The following UNC5C variants were observed in gnomAD, a reference collection of about 807,000 sequenced individuals.
UNC5C encodes netrin receptor UNC5C.
Under a neutral mutation model 99.8 loss-of-function variants are expected in UNC5C, and 47 were observed. That is an observed-to-expected ratio of 0.47 (90% CI 0.37 to 0.60). UNC5C has a LOEUF of 0.60. Among genes scored for constraint, UNC5C ranks in the 20% least tolerant of loss-of-function variants. UNC5C has a pLI of 0.00. For synonymous variants in UNC5C, 487 were observed against 452.2 expected, an observed-to-expected ratio of 1.08 and a Z score of -0.98; for missense variants, 1,062 against 1,165.9, an observed-to-expected ratio of 0.91 and a Z score of 1.30.
At chr4:95,463,602 A>T (rs1027312052) in intron 1 of UNC5C, among the ~76,000 whole-genome samples, 1 of 152,188 alleles carries the variant, frequency 6.6e-6, no homozygotes, top group Non-Finnish European at 1.5e-5. Flanking sequence ...ATGACTTGTG[A>T]GACAAAAGAG....
intron 1 of UNC5C, among the ~76,000 whole-genome samples, chr4:95,369,807 T>C (rs970404253): frequency 3.3e-5 from 5 of 151,756 alleles, no homozygotes; most frequent in African/African-American, 1.2e-4. Context: ...AGGTAAAATA[T>C]GAATAAATAG....
chr4:95,226,854 G>A (rs1271303097), intron 7 of UNC5C, among the ~76,000 whole-genome samples: 1 of 152,104 alleles, frequency 6.6e-6, no homozygotes, highest in Non-Finnish European at 1.5e-5. Flanking sequence ...GGATTAGGTG[G>A]TTGTTTTTTG....
At chr4:95,346,952 AAAC>A (rs1312224551) in intron 1 of UNC5C, among the ~76,000 whole-genome samples, 8 of 152,196 alleles carry the variant, frequency 5.3e-5, no homozygotes, top group African/African-American at 1.7e-4. Flanking sequence ...AAGGGCATCT[AAAC>A]TGGAAAGAAA....
At chr4:95,460,234 A>G (rs265035) in intron 1 of UNC5C, among the ~76,000 whole-genome samples, 28,405 of 140,352 alleles carry the variant, frequency 0.2, 3,111 homozygotes, top group East Asian at 0.4. Context: ...ATTTCTTTAT[A>G]ACTTGAATTT....
At chr4:95,200,522 T>C (rs1469204382) in intron 12 of UNC5C, among the ~76,000 whole-genome samples, 2 of 152,256 alleles carry the variant, frequency 1.3e-5, no homozygotes, top group African/African-American at 4.8e-5. Flanking sequence ...CCTTGGATGA[T>C]ACATCTATAA....
At chr4:95,439,273 G>C (rs1046918974) in intron 1 of UNC5C, among the ~76,000 whole-genome samples, 2 of 152,108 alleles carry the variant, frequency 1.3e-5, no homozygotes, top group Non-Finnish European at 2.9e-5. Context: ...AGATTTATAA[G>C]CACGGCTGGC....
chr4:95,475,783 T>A (rs961968638), intron 1 of UNC5C, among the ~76,000 whole-genome samples: 4 of 152,068 alleles, frequency 2.6e-5, no homozygotes, highest in Admixed American at 6.6e-5. Flanking sequence ...CAAAATAATT[T>A]AAAAATAAAT....
intron 7 of UNC5C, among the ~76,000 whole-genome samples, chr4:95,236,349 C>T (rs1233743234): frequency 6.0e-5 from 9 of 150,996 alleles, no homozygotes; most frequent in East Asian, 2.0e-4. Flanking sequence ...AACCAAACAT[C>T]GCATGTTCTC....
intron 7 of UNC5C, among the ~76,000 whole-genome samples, chr4:95,230,006 T>C (rs1341166412): frequency 6.6e-6 from 1 of 151,944 alleles, no homozygotes; most frequent in East Asian, 1.9e-4. Flanking sequence ...GAAATGGATT[T>C]CACCATGTTG....
At chr4:95,461,680 G>A (rs1747604948) in intron 1 of UNC5C, among the ~76,000 whole-genome samples, 1 of 152,168 alleles carries the variant, frequency 6.6e-6, no homozygotes, top group East Asian at 1.9e-4. Context: ...CCCTGGGCTT[G>A]GGGCTTTAAT....
chr4:95,445,197 T>G (rs1396954754), intron 1 of UNC5C, among the ~76,000 whole-genome samples: 1 of 152,218 alleles, frequency 6.6e-6, no homozygotes. Context: ...GGATGATTTG[T>G]AAATTAAATT....
At chr4:95,423,884 T>C (rs1225459941) in intron 1 of UNC5C, among the ~76,000 whole-genome samples, 1 of 152,154 alleles carries the variant, frequency 6.6e-6, no homozygotes, top group Non-Finnish European at 1.5e-5. Flanking sequence ...AAGTTAAGGA[T>C]ACACACAAAA....
At chr4:95,498,522 TA>T (rs1721687238) in intron 1 of UNC5C, among the ~76,000 whole-genome samples, 1 of 152,036 alleles carries the variant, frequency 6.6e-6, no homozygotes, top group Non-Finnish European at 1.5e-5. Flanking sequence ...CTCTAAAAAG[TA>T]AAAAGTGTAT....
At chr4:95,192,251 A>C (rs1579216313) in intron 12 of UNC5C, among the ~76,000 whole-genome samples, 43 of 84,022 alleles carry the variant, frequency 5.1e-4, no homozygotes, top group Admixed American at 9.4e-4. Context: ...TCCCCTGTTC[A>C]CCCTCCTTTC....
chr4:95,275,713 AAAAGG>A (rs1332191875), intron 4 of UNC5C, among the ~76,000 whole-genome samples: 2 of 152,228 alleles, frequency 1.3e-5, no homozygotes, highest in Admixed American at 6.5e-5. Context: ...ATTTGGAGAG[AAAAGG>A]AATTACTGCT....
intron 4 of UNC5C, among the ~76,000 whole-genome samples, chr4:95,277,914 C>T (rs1740918885): frequency 2.6e-5 from 4 of 152,150 alleles, no homozygotes; most frequent in Admixed American, 2.6e-4. Flanking sequence ...ACATTTTTCG[C>T]ATATCAGCAA....
intron 7 of UNC5C, among the ~76,000 whole-genome samples, chr4:95,237,450 A>G (rs1474359725): frequency 6.6e-6 from 1 of 152,208 alleles, no homozygotes; most frequent in African/African-American, 2.4e-5. Flanking sequence ...TTAGTTTTAT[A>G]AGTAACCTTC....
chr4:95,330,106 A>G (rs1743054001), intron 2 of UNC5C, among the ~76,000 whole-genome samples: 1 of 152,132 alleles, frequency 6.6e-6, no homozygotes, highest in South Asian at 2.1e-4. Flanking sequence ...CATTCTAGGT[A>G]ATGTAATAGG....
rs374640728 is a variant in UNC5C at position 95,418,344 on chromosome 4, A to C, written c.125-82713T>G. Among the ~76,000 whole-genome samples, 19 of 152,376 alleles carry C rather than the reference A, an allele frequency of 1.2e-4. No homozygotes were observed. In the East Asian group the frequency reaches 3.3e-3, roughly 26 times the overall value. ...TTATACAAGTTTCATTAGAAACGCG[A>C]TGACAAGAGGTTTTTCACTTTGATT... is the stretch of plus-strand genomic sequence containing the variant. On this transcript the variant is annotated intron_variant, in intron 1 of 15. Transcript: ENST00000453304.
Sources: allele counts gnomAD v4.1 joint callset (sites outside exome capture counted in the v4.1 genomes callset), GRCh38; gene constraint gnomAD v4.1.1; transcripts MANE v1.5; gene names NCBI Gene and HGNC (gene_info 2026-07-23, HGNC 2026-07-21).